Variants in AFF3 observed in about 807,000 individuals in gnomAD.
AFF3 encodes AF4/FMR2 family member 3.
In AFF3, 32 loss-of-function variants were observed where a neutral mutation model predicts 129.7. The observed-to-expected ratio is 0.25, with a 90% CI of 0.19 to 0.33. The LOEUF is 0.33. Ranked by LOEUF, AFF3 falls within the 10% of genes least tolerant of loss-of-function variation. The pLI, the probability that AFF3 is intolerant of heterozygous loss-of-function variation, is 1.00. For synonymous variants in AFF3, 644 were observed against 635.4 expected (o/e 1.01, Z -0.20); for missense variants, 1,373 against 1,592.0 (o/e 0.86, Z 2.34).
At chr2:99,677,730 C>A (rs890632232) in intron 11 of AFF3, among the ~76,000 whole-genome samples, 1 of 152,202 alleles carries the variant, frequency 6.6e-6, no homozygotes, top group African/African-American at 2.4e-5. Context: ...GAGCACTACC[C>A]TGGAGGACCT....
At chr2:99,768,000 C>T (rs1683163818) in intron 8 of AFF3, among the ~76,000 whole-genome samples, 1 of 152,190 alleles carries the variant, frequency 6.6e-6, no homozygotes, top group African/African-American at 2.4e-5. Flanking sequence ...GGTGGAGCCA[C>T]ATGCAGGGCT....
intron 7 of AFF3, among the ~76,000 whole-genome samples, chr2:99,932,138 C>A (rs1696713769): frequency 6.6e-6 from 1 of 152,182 alleles, no homozygotes; most frequent in Non-Finnish European, 1.5e-5. Flanking sequence ...CGCATGCAGG[C>A]CAGGATGGCT....
chr2:100,116,271 A>G (rs977463285), intron 2 of AFF3, among the ~76,000 whole-genome samples: 1 of 150,514 alleles, frequency 6.6e-6, no homozygotes, highest in Admixed American at 6.6e-5. Context: ...ATATAGCTCT[A>G]TGTTTGCTTT....
At chr2:99,683,153 A>G (rs1674687668) in intron 11 of AFF3, among the ~76,000 whole-genome samples, 1 of 152,166 alleles carries the variant, frequency 6.6e-6, no homozygotes, top group African/African-American at 2.4e-5. Context: ...TAAGAGCATG[A>G]GCTCTGCAGT....
intron 4 of AFF3, among the ~76,000 whole-genome samples, chr2:100,009,609 A>AT (rs1218918726): frequency 2.6e-5 from 4 of 152,216 alleles, no homozygotes; most frequent in Non-Finnish European, 5.9e-5. Context: ...TGTGTCATCA[A>AT]GGAACTCCGC....
chr2:100,063,273 A>AG (rs1687453673), intron 4 of AFF3, among the ~76,000 whole-genome samples: 1 of 151,230 alleles, frequency 6.6e-6, no homozygotes, highest in Non-Finnish European at 1.5e-5. Flanking sequence ...AAAAAAAAAA[A>AG]TGACCAGGCA....
At position 99,965,928 on chromosome 2, in the gene AFF3, T is replaced by A. The variant is rs529328608; in HGVS notation, c.873+40704A>T. On this transcript the variant is annotated intron_variant, in intron 7 of 24. Transcript: ENST00000672756. ...TGCTTTGTTCTTTGACTATATATAT[T>A]AACACAAATGCCTCATGATGAGTAG... Among the ~76,000 whole-genome samples, 217 of 152,334 alleles carry A rather than the reference T, an allele frequency of 1.4e-3. 2 individuals are homozygous for A. Among genetic ancestry groups the A allele is most frequent in the African/African-American group, 5.0e-3 (209 of 41,584 alleles).
At chr2:99,616,385 C>A (rs1681433317) in intron 13 of AFF3, among the ~76,000 whole-genome samples, 1 of 151,914 alleles carries the variant, frequency 6.6e-6, no homozygotes, top group Non-Finnish European at 1.5e-5. Context: ...AATTTACATA[C>A]CACCCCTTTA....
intron 7 of AFF3, among the ~76,000 whole-genome samples, chr2:100,005,064 C>T (rs1681839733): frequency 6.6e-6 from 1 of 152,172 alleles, no homozygotes; most frequent in Non-Finnish European, 1.5e-5. Context: ...GCGTGAGTCT[C>T]TGTCTGAGGC....
chr2:99,804,260 C>A (rs371482356), intron 8 of AFF3, among the ~76,000 whole-genome samples: 5 of 152,072 alleles, frequency 3.3e-5, no homozygotes, highest in East Asian at 1.9e-4. Flanking sequence ...ATAATCCCAT[C>A]AAAACATAGG....
intron 13 of AFF3, 83 bp downstream of exon 13, chr2:99,649,543 C>T (rs1365384628): frequency 4.8e-6 from 7 of 1,461,116 alleles, no homozygotes; most frequent in African/African-American, 1.4e-5. Flanking sequence ...GGGACAAAAT[C>T]CGATTATGAA....
intron 7 of AFF3, among the ~76,000 whole-genome samples, chr2:99,852,875 T>A (rs1426512449): frequency 6.6e-6 from 1 of 152,072 alleles, no homozygotes; most frequent in Non-Finnish European, 1.5e-5. Context: ...AAGACAAAAA[T>A]ACAACAACGT....
intron 4 of AFF3, among the ~76,000 whole-genome samples, chr2:100,017,278 A>C (rs1250415515): frequency 6.6e-6 from 1 of 152,142 alleles, no homozygotes; most frequent in East Asian, 1.9e-4. Flanking sequence ...GCACTATAAC[A>C]TTGGCTCACC....
intron 8 of AFF3, among the ~76,000 whole-genome samples, chr2:99,811,505 A>C (rs1686787713): frequency 6.6e-6 from 1 of 152,094 alleles, no homozygotes; most frequent in Non-Finnish European, 1.5e-5. Flanking sequence ...TCCTCCCCGT[A>C]CTGCAAACAC....
At chr2:100,044,965 G>A (rs78788059) in intron 4 of AFF3, among the ~76,000 whole-genome samples, 3 of 152,098 alleles carry the variant, frequency 2.0e-5, no homozygotes, top group Non-Finnish European at 4.4e-5. Flanking sequence ...CAAGCTAGGG[G>A]GATGTGGACA....
chr2:99,569,826 C>T (rs1324358850), intron 18 of AFF3, among the ~76,000 whole-genome samples: 2 of 152,092 alleles, frequency 1.3e-5, no homozygotes, highest in Non-Finnish European at 2.9e-5. Context: ...ACGGGAGATT[C>T]GACGGAAGTA....
intron 7 of AFF3, among the ~76,000 whole-genome samples, chr2:99,887,776 C>T (rs1356859107): frequency 1.3e-5 from 2 of 152,210 alleles, no homozygotes; most frequent in African/African-American, 4.8e-5. Context: ...TCTTTCCATA[C>T]ATTGTCTAAT....
At chr2:99,767,500 C>T (rs1683122584) in intron 8 of AFF3, among the ~76,000 whole-genome samples, 1 of 152,166 alleles carries the variant, frequency 6.6e-6, no homozygotes, top group Non-Finnish European at 1.5e-5. Flanking sequence ...AAGCACTGTT[C>T]CAGGTGGCTA....
intron 4 of AFF3, among the ~76,000 whole-genome samples, chr2:100,044,027 G>C (rs1054435965): frequency 6.6e-6 from 1 of 152,176 alleles, no homozygotes; most frequent in Non-Finnish European, 1.5e-5. Context: ...GCACCTGAGC[G>C]TCTCCATCTC....
Sources: gnomAD v4.1 joint callset for allele counts (sites outside exome capture counted in the v4.1 genomes callset) on GRCh38, gnomAD v4.1.1 for gene constraint, MANE v1.5 for transcripts, NCBI Gene and HGNC (gene_info 2026-07-23, HGNC 2026-07-21) for gene names.